SLC39A9: variants seen among roughly 807,000 people sequenced by gnomAD.
SLC39A9 encodes zinc transporter ZIP9.
SLC39A9 carries 14 observed loss-of-function variants against 28.4 expected under a neutral mutation model. That is an observed-to-expected ratio of 0.49 (90% CI 0.33 to 0.77). The LOEUF is 0.77. SLC39A9 is among the 30% of genes least tolerant of loss of function. The pLI, the probability that SLC39A9 is intolerant of heterozygous loss-of-function variation, is 0.02. For synonymous variants in SLC39A9, 119 were observed against 149.6 expected (o/e 0.80, Z 1.49); for missense variants, 283 against 381.1 (o/e 0.74, Z 2.14).
At chr14:69,457,462 A>G (rs1250396398) in intron 6 of SLC39A9, among the ~76,000 whole-genome samples, 2 of 152,102 alleles carry the variant, frequency 1.3e-5, no homozygotes, top group Admixed American at 6.5e-5. Flanking sequence ...TGGCCTCCCA[A>G]AGTGCTGGGA....
intron 2 of SLC39A9, among the ~76,000 whole-genome samples, chr14:69,432,756 C>T (rs978755188): frequency 2.6e-5 from 4 of 152,008 alleles, no homozygotes; most frequent in African/African-American, 9.7e-5. Context: ...AGTTTCATTC[C>T]CCTGGATATG....
intron 1 of SLC39A9, among the ~76,000 whole-genome samples, chr14:69,406,460 C>G (rs1235840282): frequency 2.0e-5 from 3 of 152,140 alleles, no homozygotes; most frequent in African/African-American, 7.2e-5. Flanking sequence ...GTCTTAACCT[C>G]TCCTCTAATT....
chr14:69,402,610 C>T (rs1289734653), intron 1 of SLC39A9, among the ~76,000 whole-genome samples: 1 of 152,026 alleles, frequency 6.6e-6, no homozygotes. Context: ...AACTACCTTT[C>T]TTGATACTTT....
intron 1 of SLC39A9, 93 bp downstream of exon 1, chr14:69,399,558 A>G: frequency 1.1e-6 from 1 of 912,866 alleles, no homozygotes; most frequent in Non-Finnish European, 1.7e-6. Context: ...GTTAAATCTC[A>G]AAGCTGAAGG....
At chr14:69,400,341 TTTGA>T (rs1228556444) in intron 1 of SLC39A9, among the ~76,000 whole-genome samples, 2 of 152,246 alleles carry the variant, frequency 1.3e-5, no homozygotes, top group South Asian at 2.1e-4. Context: ...TTTTCGTTAA[TTTGA>T]TTGGCACCTT....
chr14:69,439,029 A>G (rs980125802), intron 2 of SLC39A9, among the ~76,000 whole-genome samples: 2 of 152,224 alleles, frequency 1.3e-5, no homozygotes, highest in African/African-American at 4.8e-5. Context: ...TTATGCATAG[A>G]AATACCTAAG....
chr14:69,403,577 A>G (rs1882752844), intron 1 of SLC39A9, among the ~76,000 whole-genome samples: 2 of 152,246 alleles, frequency 1.3e-5, no homozygotes, highest in Admixed American at 1.3e-4. Context: ...AGTGAAAAAA[A>G]GACATAGAAA....
intron 1 of SLC39A9, among the ~76,000 whole-genome samples, chr14:69,414,996 C>T (rs1004629192): frequency 6.6e-6 from 1 of 152,134 alleles, no homozygotes; most frequent in African/African-American, 2.4e-5. Flanking sequence ...GCAGTTTATT[C>T]CTTTTTATTA....
intron 1 of SLC39A9, among the ~76,000 whole-genome samples, chr14:69,399,879 C>T (rs554073865): frequency 2.1e-3 from 327 of 152,194 alleles, no homozygotes; most frequent in Non-Finnish European, 3.5e-3. Context: ...CTTTGGGAGG[C>T]TGAGGTGGAA....
chr14:69,407,302 C>CCTTCCTT (rs1555405708), intron 1 of SLC39A9, among the ~76,000 whole-genome samples: 6 of 143,818 alleles, frequency 4.2e-5, no homozygotes, highest in African/African-American at 1.5e-4. Context: ...TCCCTTCCTT[C>CCTTCCTT]CCTTCCTTCC....
At chr14:69,427,215 GCTGGTCTCGAACTC>G (rs1884246536) in intron 2 of SLC39A9, among the ~76,000 whole-genome samples, 1 of 151,710 alleles carries the variant, frequency 6.6e-6, no homozygotes, top group Non-Finnish European at 1.5e-5. Context: ...TGTTGCCCAG[GCTGGTCTCGAACTC>G]CTGGGCTCAA....
At position 69,442,244 on chromosome 14, in the gene SLC39A9, C is replaced by G; in HGVS notation, c.381C>G (p.Asn127Lys). ...VFMLLVDQIG[N>K]SHVHSTDDPE... Reference sequence around the variant, plus strand: ...TGTTGCTGGTGGACCAGATTGGTAACTCCCATGTGCATTCTACTGACGGTG... The same window carrying G: ...TGTTGCTGGTGGACCAGATTGGTAAGTCCCATGTGCATTCTACTGACGGTG... Residue 127 changes from asparagine to lysine, a missense_variant, in exon 3 of 7, where the codon AAC becomes AAG. Physicochemically the swap from Asn to Lys is moderately conservative, Grantham distance 94 (BLOSUM62 0). Transcript: ENST00000336643. 1 of 1,614,198 alleles carries G rather than the reference C, an allele frequency of 6.2e-7. No homozygotes were observed. The highest frequency in any genetic ancestry group is 8.5e-7 in the Non-Finnish European group (1 of 1,180,028).
chr14:69,446,573 T>C (rs889133928), intron 3 of SLC39A9, among the ~76,000 whole-genome samples: 1 of 151,678 alleles, frequency 6.6e-6, no homozygotes, highest in Non-Finnish European at 1.5e-5. Flanking sequence ...GCATAAACCA[T>C]TCAAAAAATG....
At chr14:69,422,277 G>T (rs1056804478) in intron 1 of SLC39A9, among the ~76,000 whole-genome samples, 1 of 152,002 alleles carries the variant, frequency 6.6e-6, no homozygotes, top group Non-Finnish European at 1.5e-5. Flanking sequence ...TTCAAAAATG[G>T]GGTCTCTTTA....
At chr14:69,458,246 C>T in intron 6 of SLC39A9, 117 bp from the exon 7 acceptor site, 1 of 1,291,504 alleles carries the variant, frequency 7.7e-7, no homozygotes, top group South Asian at 1.5e-5. Context: ...CTCTAGATGT[C>T]CCCAGTGTCC....
At chr14:69,449,361 C>T (rs185943992) in intron 3 of SLC39A9, among the ~76,000 whole-genome samples, 10 of 152,258 alleles carry the variant, frequency 6.6e-5, no homozygotes, top group Non-Finnish European at 1.2e-4. Context: ...TGGTGACTCA[C>T]GCCTGTAATC....
Position 69,460,257 on chromosome 14 carries a change from T to C in SLC39A9, c.*1664T>C, listed in dbSNP as rs2035641242. 1.0e-6 allele frequency: 1 copy of C among 985,712 alleles called. No individual in the cohort carries two copies. The highest frequency in any genetic ancestry group is 4.7e-5 in the South Asian group (1 of 21,290). The allele number at this position is 985,712 out of a possible 1,614,324, so 61.1% of individuals were successfully genotyped here. A position where few individuals can be genotyped will look rare whatever the true frequency, so the allele number is the denominator to read the frequency against. On this transcript the variant is annotated 3_prime_UTR_variant, in exon 7 of 7. Coordinates refer to ENST00000336643, the MANE Select transcript of SLC39A9 (RefSeq NM_018375.5). The stretch of plus-strand genomic sequence containing the variant: ...GCATGCCTATGATTTATTTCCTTCA[T>C]GAATTTGTCACTGGATCAGCAGCTG...
intron 4 of SLC39A9, 50 bp from the exon 5 acceptor site, chr14:69,454,762 A>ATTG (rs770349227): frequency 6.8e-6 from 10 of 1,463,766 alleles, no homozygotes; most frequent in Non-Finnish European, 8.6e-6. Context: ...CTACACTGTT[A>ATTG]TTGTTGTTGT....
At chr14:69,440,610 A>G (rs1884999550) in intron 2 of SLC39A9, among the ~76,000 whole-genome samples, 1 of 152,194 alleles carries the variant, frequency 6.6e-6, no homozygotes, top group Non-Finnish European at 1.5e-5. Context: ...AGAGAGACAG[A>G]GAAAGAAACA....
Sources: gnomAD v4.1 joint callset for allele counts (sites outside exome capture counted in the v4.1 genomes callset) on GRCh38, gnomAD v4.1.1 for gene constraint, MANE v1.5 for transcripts, NCBI Gene and HGNC (gene_info 2026-07-23, HGNC 2026-07-21) for gene names.